The following SDK1 variants were observed in gnomAD, a reference collection of about 807,000 sequenced individuals.
SDK1 encodes sidekick cell adhesion molecule 1, also known as protein sidekick-1.
Under a neutral mutation model 245.5 loss-of-function variants are expected in SDK1, and 157 were observed. The observed-to-expected ratio is 0.64, with a 90% CI of 0.56 to 0.73. The LOEUF is 0.73. Among genes scored for constraint, SDK1 ranks in the 30% least tolerant of loss-of-function variants. The probability of loss-of-function intolerance (pLI) is 0.00; values close to 1 mark genes in which losing one functional copy is unlikely to be tolerated. For synonymous variants in SDK1, 1,647 were observed against 1,278.5 expected (o/e 1.29, Z -6.15); for missense variants, 3,583 against 3,002.3 (o/e 1.19, Z -4.52).
intron 1 of SDK1, among the ~76,000 whole-genome samples, chr7:3,430,491 C>G (rs116352090): frequency 4.3e-4 from 66 of 152,240 alleles, no homozygotes; most frequent in African/African-American, 1.5e-3. Context: ...CCTCTGTGAC[C>G]TAGAGGTCAC....
At chr7:4,062,344 A>G (rs973658334) in intron 19 of SDK1, among the ~76,000 whole-genome samples, 2 of 152,178 alleles carry the variant, frequency 1.3e-5, no homozygotes, top group African/African-American at 4.8e-5. Flanking sequence ...ATACACTAAC[A>G]AATTGGAAAA....
chr7:4,115,771 A>G (rs1285446563), intron 25 of SDK1, among the ~76,000 whole-genome samples: 1 of 152,176 alleles, frequency 6.6e-6, no homozygotes, highest in Non-Finnish European at 1.5e-5. Context: ...CTGTACTACA[A>G]TGCCGTGCAA....
At chr7:3,866,642 C>T (rs531483525) in intron 5 of SDK1, among the ~76,000 whole-genome samples, 102 of 152,208 alleles carry the variant, frequency 6.7e-4, no homozygotes, top group Admixed American at 2.1e-3. Context: ...ACTCCCCTGC[C>T]CCTGCCCATA....
intron 1 of SDK1, among the ~76,000 whole-genome samples, chr7:3,308,134 G>A (rs1779463320): frequency 1.3e-5 from 2 of 152,070 alleles, no homozygotes; most frequent in African/African-American, 2.4e-5. Flanking sequence ...AAACAAATTG[G>A]TGCCATAATT....
At chr7:3,434,780 T>C (rs1352032530) in intron 1 of SDK1, among the ~76,000 whole-genome samples, 1 of 152,120 alleles carries the variant, frequency 6.6e-6, no homozygotes, top group East Asian at 1.9e-4. Flanking sequence ...GTTGGAACCA[T>C]CTGCAGGGAG....
At chr7:3,432,600 T>G in intron 1 of SDK1, among the ~76,000 whole-genome samples, 1 of 152,184 alleles carries the variant, frequency 6.6e-6, no homozygotes, top group East Asian at 1.9e-4. Context: ...TTTTGCTAGG[T>G]TTCGCATAGA....
chr7:4,235,870 C>T (rs975023602), intron 41 of SDK1, among the ~76,000 whole-genome samples: 1 of 152,216 alleles, frequency 6.6e-6, no homozygotes, highest in Non-Finnish European at 1.5e-5. Context: ...GGTGTCCTGC[C>T]CCGTATGAGA....
chr7:3,982,987 G>A (rs777919799), intron 13 of SDK1, among the ~76,000 whole-genome samples: 1 of 152,126 alleles, frequency 6.6e-6, no homozygotes, highest in Non-Finnish European at 1.5e-5. Flanking sequence ...CTGATGTGGT[G>A]GAAACAGCAA....
intron 1 of SDK1, among the ~76,000 whole-genome samples, chr7:3,549,122 A>C (rs534158678): frequency 9.2e-5 from 14 of 152,366 alleles, no homozygotes; most frequent in African/African-American, 3.4e-4. Context: ...AAACTGCGTA[A>C]AAAATGAGCT....
Position 3,564,310 on chromosome 7 carries a change from T to C in SDK1, c.299-54770T>C, listed in dbSNP as rs79169056. On this transcript the variant is annotated intron_variant, in intron 1 of 44. Coordinates refer to ENST00000404826, the MANE Select transcript of SDK1 (RefSeq NM_152744.4). ...AAGATAAGATAGACCTCTGACAGACTCAAAAAGAAAGAAAAGAGAAGCTAA... is the reference window on the plus strand; with the variant it reads ...AAGATAAGATAGACCTCTGACAGACCCAAAAAGAAAGAAAAGAGAAGCTAA... Among the ~76,000 whole-genome samples the C allele has an allele frequency of 9.5e-3, 1,444 of 151,850 alleles. 20 individuals are homozygous for C. The highest frequency in any genetic ancestry group is 0.016 in the Non-Finnish European group (1,058 of 67,940).
At chr7:3,587,610 A>G (rs563793637) in intron 1 of SDK1, among the ~76,000 whole-genome samples, 1 of 152,336 alleles carries the variant, frequency 6.6e-6, no homozygotes, top group South Asian at 2.1e-4. Context: ...AATGGACTGG[A>G]CGATCCCTAC....
chr7:3,739,417 C>T (rs1004286015), intron 4 of SDK1, among the ~76,000 whole-genome samples: 1 of 152,024 alleles, frequency 6.6e-6, no homozygotes, highest in Non-Finnish European at 1.5e-5. Flanking sequence ...TCTTCTATTT[C>T]TATTAGTTGT....
intron 1 of SDK1, among the ~76,000 whole-genome samples, chr7:3,583,759 TGCTTGCAGGGTC>T (rs1780592407): frequency 6.6e-6 from 1 of 152,082 alleles, no homozygotes; most frequent in Non-Finnish European, 1.5e-5. Flanking sequence ...TGCGTCCACC[TGCTTGCAGGGTC>T]CTGTGAATGC....
At chr7:3,489,986 T>TC (rs372618545) in intron 1 of SDK1, among the ~76,000 whole-genome samples, 23 of 152,314 alleles carry the variant, frequency 1.5e-4, no homozygotes, top group African/African-American at 5.3e-4. Context: ...GGTTTTTTTT[T>TC]CCCCTCGTGC....
intron 1 of SDK1, among the ~76,000 whole-genome samples, chr7:3,515,904 G>A (rs1438634996): frequency 4.6e-5 from 7 of 152,190 alleles, no homozygotes; most frequent in Non-Finnish European, 7.4e-5. Flanking sequence ...CTATGTGGAA[G>A]AGATTTAGCT....
intron 1 of SDK1, among the ~76,000 whole-genome samples, chr7:3,542,991 T>A (rs553269130): frequency 8.5e-5 from 13 of 152,328 alleles, no homozygotes; most frequent in Admixed American, 6.5e-4. Flanking sequence ...AGAGCCTCTT[T>A]GGGGAGATTA....
chr7:3,328,754 A>G (rs544012982), intron 1 of SDK1, among the ~76,000 whole-genome samples: 2 of 152,258 alleles, frequency 1.3e-5, no homozygotes, highest in Admixed American at 6.5e-5. Context: ...CCACACACAT[A>G]GATCTATTCT....
In SDK1 at chr7:3,538,396, A is replaced by T. The variant is rs57815878; in HGVS notation, c.299-80684A>T. Among the ~76,000 whole-genome samples, 761 of 152,156 alleles carry T rather than the reference A, an allele frequency of 5.0e-3. 5 individuals carry two copies. The highest frequency in any genetic ancestry group is 0.018 in the African/African-American group (731 of 41,498). On this transcript the variant is annotated intron_variant, in intron 1 of 44. Transcript: ENST00000404826. Reference sequence around the variant, plus strand: ...TTTTTGAAAAAATCAGTTCAGGTATAAATTTCTTTTCATTAATTTTGCCTT... The same window carrying T: ...TTTTTGAAAAAATCAGTTCAGGTATTAATTTCTTTTCATTAATTTTGCCTT...
intron 1 of SDK1, among the ~76,000 whole-genome samples, chr7:3,547,081 G>A (rs1389231581): frequency 6.6e-6 from 1 of 152,036 alleles, no homozygotes; most frequent in Non-Finnish European, 1.5e-5. Context: ...TTCTTTTAAG[G>A]TGTGTGACCT....
Sources: gnomAD v4.1 joint callset for allele counts (sites outside exome capture counted in the v4.1 genomes callset) on GRCh38, gnomAD v4.1.1 for gene constraint, MANE v1.5 for transcripts, NCBI Gene and HGNC (gene_info 2026-07-23, HGNC 2026-07-21) for gene names.